The following JOSD2 variants were observed in gnomAD, a reference collection of about 807,000 sequenced individuals.
The protein encoded by JOSD2 is josephin-2.
In JOSD2, 20 loss-of-function variants were observed where a neutral mutation model predicts 19.3. That is an observed-to-expected ratio of 1.04 (90% confidence interval 0.73 to 1.51). The LOEUF (loss-of-function observed/expected upper bound fraction) is 1.51. Among genes scored for constraint, JOSD2 ranks in the 40% most tolerant of loss-of-function variants. The pLI is 0.00. For synonymous variants in JOSD2, 118 were observed against 123.7 expected (o/e 0.95, Z 0.31); for missense variants, 215 against 250.4 (o/e 0.86, Z 0.95).
chr19:50,506,013 G>T lies in JOSD2; in HGVS notation c.*160C>A, dbSNP rs1430738371. The T allele has an allele frequency of 3.0e-6, 2 of 674,040 alleles. No homozygotes were observed. Among genetic ancestry groups the T allele is most frequent in the Non-Finnish European group, 4.9e-6 (2 of 406,074 alleles). 41.8% of individuals were successfully genotyped at this position (674,040 alleles called of 1,614,324 possible). On this transcript the variant is annotated 3_prime_UTR_variant, in exon 5 of 5. Transcript: ENST00000598418. Reference sequence around the variant, plus strand: ...AGGCCAGGCAGGCAGCAAATCAGCAGATTTATTGAGGCAGCAGCGGCAGTG... The same window carrying T: ...AGGCCAGGCAGGCAGCAAATCAGCATATTTATTGAGGCAGCAGCGGCAGTG...
intron 2 of JOSD2, 103 bp downstream of exon 2, chr19:50,510,183 A>G (rs1465071601): frequency 1.4e-6 from 2 of 1,405,472 alleles, no homozygotes; most frequent in Admixed American, 2.0e-5. Context: ...AGCGCGGAGC[A>G]GAAGAAAGCC....
chr19:50,508,949 C>T (rs559967835), intron 2 of JOSD2, among the ~76,000 whole-genome samples: 6 of 152,024 alleles, frequency 3.9e-5, no homozygotes, highest in South Asian at 2.1e-4. Context: ...GCAGGGCCAT[C>T]TCCAGGTGTA....
Position 50,510,441 on chromosome 19 carries a change from G to C in JOSD2, c.-10C>G, listed in dbSNP as rs1979720259. The C allele has an allele frequency of 2.5e-6, 4 of 1,600,622 alleles. No individual in the cohort carries two copies. The highest frequency in any genetic ancestry group is 3.4e-6 in the Non-Finnish European group (4 of 1,173,434). On this transcript the variant is annotated 5_prime_UTR_variant, in exon 2 of 5. Transcript: ENST00000598418. Reference sequence around the variant, plus strand: ...CCGGGGCCTGGGACATGCCGTCCTCGGCTCCTGCTGGGGGTTGGGAGGGGG... The same window carrying C: ...CCGGGGCCTGGGACATGCCGTCCTCCGCTCCTGCTGGGGGTTGGGAGGGGG...
chr19:50,508,676 C>A (rs1979534207), intron 2 of JOSD2, among the ~76,000 whole-genome samples: 1 of 150,144 alleles, frequency 6.7e-6, no homozygotes, highest in African/African-American at 2.5e-5. Context: ...CCTGGGCAGG[C>A]AGGACATGGG....
chr19:50,506,483 A>C lies in JOSD2; in HGVS notation c.362T>G (p.Leu121Arg), dbSNP rs1979348568. 6.4e-7 allele frequency: 1 copy of C among 1,569,948 alleles called. No individual in the cohort carries two copies. Among genetic ancestry groups the C allele is most frequent in the Admixed American group, 1.9e-5 (1 of 53,392 alleles). ...CAGGGCCACCCAGTGCCGCCGGCGC[A>C]GCGGCAGTGACAGCAGCCCCAGCGA... is the stretch of plus-strand genomic sequence containing the variant. ...PVSLGLLSLP[L>R]RRRHWVALRQ... Residue 121 changes from leucine to arginine, a missense_variant, in exon 4 of 5, where the codon CTG (leucine) becomes CGG (arginine). By Grantham distance (102) the Leu-to-Arg change is moderately radical. Transcript: ENST00000598418.
chr19:50,507,931 G>A (rs1480170302), intron 2 of JOSD2: 20 of 490,840 alleles, frequency 4.1e-5, no homozygotes, highest in South Asian at 2.2e-4. Context: ...CTCCTGCCCC[G>A]ACTCTGCCCT....
intron 2 of JOSD2, among the ~76,000 whole-genome samples, chr19:50,509,492 G>A (rs1242515714): frequency 6.6e-6 from 1 of 152,182 alleles, no homozygotes; most frequent in Non-Finnish European, 1.5e-5. Flanking sequence ...GAAGCCCAGA[G>A]GCCGCACAGA....
chr19:50,507,746 C>A, intron 2 of JOSD2, 47 bp from the exon 3 acceptor site: 1 of 1,578,060 alleles, frequency 6.3e-7, no homozygotes, highest in Non-Finnish European at 8.6e-7. Context: ...CCTGGAAAGG[C>A]CTCCCCACAA....
At position 50,506,090 on chromosome 19, in the gene JOSD2, C is replaced by T; in HGVS notation, c.*83G>A. On this transcript the variant is annotated 3_prime_UTR_variant, in exon 5 of 5. Coordinates refer to ENST00000598418, the MANE Select transcript of JOSD2 (RefSeq NM_001270639.2). Reference sequence around the variant, plus strand: ...GGGCCTCCCCAGGGTCCATGAAGTGCTGGCCTTTCCCAGGCATGCAGTGTG... The same window carrying T: ...GGGCCTCCCCAGGGTCCATGAAGTGTTGGCCTTTCCCAGGCATGCAGTGTG... The T allele has an allele frequency of 7.3e-7, 1 of 1,366,248 alleles. No individual in the cohort carries two copies. The highest frequency in any genetic ancestry group is 1.3e-5 in the South Asian group (1 of 77,912). 84.6% of individuals were successfully genotyped at this position (1,366,248 alleles called of 1,614,324 possible). A position where few individuals can be genotyped will look rare whatever the true frequency, so the allele number is the denominator to read the frequency against.
At chr19:50,509,911 G>C (rs1344076802) in intron 2 of JOSD2, among the ~76,000 whole-genome samples, 2 of 151,774 alleles carry the variant, frequency 1.3e-5, no homozygotes, top group Admixed American at 6.6e-5. Flanking sequence ...AAATTAGCCG[G>C]GCGTGGTGGC....
In JOSD2 at chr19:50,509,388, C is replaced by T. The variant is rs1054224418; in HGVS notation, c.146+898G>A. Reference sequence around the variant, plus strand: ...GATTACAGGTGTGAGCCACTGCGCCCGGCCAAAGAGTGATGTTGGACATTG... The same window carrying T: ...GATTACAGGTGTGAGCCACTGCGCCTGGCCAAAGAGTGATGTTGGACATTG... On this transcript the variant is annotated intron_variant, in intron 2 of 4. Transcript: ENST00000598418. Among the ~76,000 whole-genome samples, 11 of 152,142 alleles carry T rather than the reference C, an allele frequency of 7.2e-5. No individual in the cohort carries two copies. The East Asian group carries it at 1.4e-3, about 19-fold the overall frequency.
rs558150964 is a variant in JOSD2 at position 50,507,594 on chromosome 19, G to C, written c.252C>G (p.Ala84=). The C allele has an allele frequency of 3.1e-6, 5 of 1,607,346 alleles. No individual in the cohort carries two copies. In the South Asian group the frequency reaches 5.5e-5, roughly 18 times the overall value. The change falls in exon 3 of 5, where the codon GCC becomes GCG. Residue 84 remains alanine (A), a synonymous_variant. Coordinates refer to ENST00000598418, the MANE Select transcript of JOSD2 (RefSeq NM_001270639.2). The part of the protein sequence containing the change: ...MAALQGLGLA[A]VWWDRRRPLS... ...CCTACCTCCTCCTGTCCCACCACAC[G>C]GCGGCCAGGCCCAGCCCCTGCAGAG...
chr19:50,506,182 C>T lies in JOSD2; in HGVS notation c.558G>A (p.Arg186=). Residue 186 remains arginine (R), a synonymous_variant, in exon 5 of 5, where the codon CGG becomes CGA. Coordinates refer to ENST00000598418, the MANE Select transcript of JOSD2 (RefSeq NM_001270639.2). Reference sequence around the variant, plus strand: ...CGATGGTCAGCCATGGTCAGTCTGTCCGCAGCCAGCTGCCCTTCTCCTCCA... The same window carrying T: ...CGATGGTCAGCCATGGTCAGTCTGTTCGCAGCCAGCTGCCCTTCTCCTCCA... ...KEVEEKGSWL[R]TD is the part of the protein sequence containing the mutation. The T allele has an allele frequency of 6.2e-7, 1 of 1,612,608 alleles. No individual in the cohort carries two copies. The highest frequency in any genetic ancestry group is 8.5e-7 in the Non-Finnish European group (1 of 1,179,796).
intron 2 of JOSD2, among the ~76,000 whole-genome samples, chr19:50,509,977 C>T (rs1303504762): frequency 6.9e-6 from 1 of 145,150 alleles, no homozygotes; most frequent in African/African-American, 2.6e-5. Context: ...GGCATGAACC[C>T]GGGAGGCCGA....
chr19:50,507,971 C>A, intron 2 of JOSD2: 1 of 504,494 alleles, frequency 2.0e-6, no homozygotes, highest in East Asian at 3.4e-5. Context: ...CCTGCCCCAA[C>A]TCTGCCCTGT....
Position 50,510,279 on chromosome 19 carries a change from C to A in JOSD2, c.146+7G>T. ...CTGCTCCAGGGGCTGGGGTGGGTGA[C>A]GGTCACCTCTTGCAGATCTCATCGG... On this transcript the variant is annotated splice_region_variant and intron_variant, in intron 2 of 4. Coordinates refer to ENST00000598418, the MANE Select transcript of JOSD2 (RefSeq NM_001270639.2). 1 of 1,613,224 alleles carries A rather than the reference C, an allele frequency of 6.2e-7. No homozygotes were observed. The highest frequency in any genetic ancestry group is 8.5e-7 in the Non-Finnish European group (1 of 1,179,990).
rs749166920 is a variant in JOSD2 at position 50,506,235 on chromosome 19, C to T, written c.505G>A (p.Glu169Lys). ...LAAALAQGLCEVLLVVTKEVE... is the reference protein window; with the variant it reads ...LAAALAQGLCKVLLVVTKEVE... ...TCCTTGGTCACTACCAGCAGCACCT[C>T]GCACAGGCCCTGGGCCAGCGCAGCC... The change falls in exon 5 of 5, where the codon GAG (glutamate) becomes AAG (lysine). Residue 169 changes from glutamate to lysine, a missense_variant. By Grantham distance (56) the Glu-to-Lys change is moderately conservative. Coordinates refer to ENST00000598418, the MANE Select transcript of JOSD2 (RefSeq NM_001270639.2). 9 of 1,612,634 alleles carry T rather than the reference C, an allele frequency of 5.6e-6. No individual in the cohort carries two copies. The East Asian group carries it at 8.9e-5, about 16-fold the overall frequency.
chr19:50,510,356 C>G lies in JOSD2; in HGVS notation c.76G>C (p.Val26Leu), dbSNP rs775515180. Residue 26 changes from valine (V) to leucine (L), a missense_variant, in exon 2 of 5, where the codon GTC becomes CTC. Coordinates refer to ENST00000598418, the MANE Select transcript of JOSD2 (RefSeq NM_001270639.2). Reference protein sequence around the residue: ...HERQRLELCAVHALNNVLQQQ... With the variant: ...HERQRLELCALHALNNVLQQQ... ...TGCAGAACGTTGTTGAGGGCGTGGACAGCACACAGCTCCAGGCGCTGCCGT... is the reference window on the plus strand; with the variant it reads ...TGCAGAACGTTGTTGAGGGCGTGGAGAGCACACAGCTCCAGGCGCTGCCGT... The G allele has an allele frequency of 3.7e-6, 6 of 1,613,582 alleles. No homozygotes were observed. Among genetic ancestry groups the G allele is most frequent in the Non-Finnish European group, 5.1e-6 (6 of 1,179,996 alleles).
At chr19:50,508,698 CG>C (rs1979536871) in intron 2 of JOSD2, among the ~76,000 whole-genome samples, 1 of 140,818 alleles carries the variant, frequency 7.1e-6, no homozygotes, top group Non-Finnish European at 1.5e-5. Context: ...GGAAAACGCT[CG>C]TGTGTGTGTG....
Sources: gnomAD v4.1 joint callset for allele counts (sites outside exome capture counted in the v4.1 genomes callset) on GRCh38, gnomAD v4.1.1 for gene constraint, MANE v1.5 for transcripts, NCBI Gene and HGNC (gene_info 2026-07-23, HGNC 2026-07-21) for gene names.